Variants in IL1RAPL1 observed in about 807,000 individuals in gnomAD.
IL1RAPL1 encodes interleukin 1 receptor accessory protein like 1.
IL1RAPL1 carries 3 observed loss-of-function variants against 48.4 expected under a neutral mutation model. The observed-to-expected ratio is 0.06, with a 90% confidence interval of 0.03 to 0.16. IL1RAPL1 has a LOEUF of 0.16. Ranked by LOEUF, IL1RAPL1 falls within the 10% of genes least tolerant of loss-of-function variation. IL1RAPL1 has a pLI of 1.00. For missense variants in IL1RAPL1, 349 were observed against 530.6 expected (o/e 0.66, Z 3.36); for synonymous variants, 185 against 187.7 (o/e 0.99, Z 0.12).
intron 2 of IL1RAPL1, among the ~76,000 whole-genome samples, chrX:28,840,200 T>G (rs1174079693): frequency 9.4e-6 from 1 of 106,409 alleles, no homozygotes; most frequent in Non-Finnish European, 1.9e-5. Flanking sequence ...CTTAAAGAAT[T>G]TGCAAAAATA....
At chrX:29,909,829 G>C (rs1172436922) in intron 6 of IL1RAPL1, among the ~76,000 whole-genome samples, 1 of 112,102 alleles carries the variant, frequency 8.9e-6, no homozygotes, top group Non-Finnish European at 1.9e-5. Flanking sequence ...ATGTAAATTA[G>C]TTCAGCCACT....
At chrX:29,466,721 A>C (rs1045954290) in intron 5 of IL1RAPL1, among the ~76,000 whole-genome samples, 1 of 112,198 alleles carries the variant, frequency 8.9e-6, no homozygotes, top group African/African-American at 3.2e-5. Context: ...AGAGTTACAC[A>C]GCAGTTGCTG....
At chrX:29,240,729 A>G (rs1451287598) in intron 2 of IL1RAPL1, among the ~76,000 whole-genome samples, 1 of 111,789 alleles carries the variant, frequency 8.9e-6, no homozygotes, top group Non-Finnish European at 1.9e-5. Context: ...TTTTTGTCCA[A>G]CTGCTTTTTT....
rs147580003 is a variant in IL1RAPL1 at position 28,868,824 on chromosome X, A to G, written c.82+79399A>G. 4.0e-3 allele frequency among the ~76,000 whole-genome samples: 451 copies of G among 112,426 alleles called. 4 individuals carry two copies. The highest frequency in any genetic ancestry group is 0.014 in the African/African-American group (429 of 31,038). On this transcript the variant is annotated intron_variant, in intron 2 of 10. Transcript: ENST00000378993. ...TCACCACAATTGAGACATCACTTAC[A>G]TGAAGTTCCTCTTTGTATGTGTATA... is the stretch of plus-strand genomic sequence containing the variant.
At chrX:29,644,396 A>G (rs1422533505) in intron 5 of IL1RAPL1, among the ~76,000 whole-genome samples, 3 of 111,804 alleles carry the variant, frequency 2.7e-5, no homozygotes, top group Non-Finnish European at 5.6e-5. Flanking sequence ...AAACAGATAC[A>G]TTGTCTTCTG....
At chrX:29,207,698 G>A (rs184361846) in intron 2 of IL1RAPL1, among the ~76,000 whole-genome samples, 322 of 111,478 alleles carry the variant, frequency 2.9e-3, no homozygotes, top group Non-Finnish European at 5.1e-3. Context: ...ATATTTGCCT[G>A]TATTTCACTG....
At chrX:29,217,592 AAAT>A (rs1930894944) in intron 2 of IL1RAPL1, among the ~76,000 whole-genome samples, 1 of 111,840 alleles carries the variant, frequency 8.9e-6, no homozygotes, top group Non-Finnish European at 1.9e-5. Context: ...TATTTATCTT[AAAT>A]AATCTGCCTT....
chrX:29,171,807 A>G (rs1003928754), intron 2 of IL1RAPL1, among the ~76,000 whole-genome samples: 1 of 106,271 alleles, frequency 9.4e-6, no homozygotes, highest in Non-Finnish European at 1.9e-5. Flanking sequence ...GTCAGTACAA[A>G]TAGCAAATGG....
intron 5 of IL1RAPL1, among the ~76,000 whole-genome samples, chrX:29,570,221 T>C (rs1171728849): frequency 8.9e-6 from 1 of 112,546 alleles, no homozygotes; most frequent in Non-Finnish European, 1.9e-5. Flanking sequence ...TGGATTTTTA[T>C]TATCAAAAAT....
rs777963523 is a variant in IL1RAPL1, at chrX:29,228,332, A to AATGTGTGTGTGTGTGTGTGT, written c.83-54606_83-54605insATGTGTGTGTGTGTGTGTGT. On this transcript the variant is annotated intron_variant, in intron 2 of 10. Transcript: ENST00000378993. The stretch of plus-strand genomic sequence containing the variant: ...TAAACACTGTAGTTTAGTTTTGCCT[A>AATGTGTGTGTGTGTGTGTGT]GTGTGTGTGTGTGTGTGTGTGTGTG... 6.5e-4 allele frequency among the ~76,000 whole-genome samples: 52 copies of AATGTGTGTGTGTGTGTGTGT among 79,562 alleles called. 3 individuals carry two copies. The highest frequency in any genetic ancestry group is 8.4e-4 in the Non-Finnish European group (35 of 41,504). 69.1% of individuals were successfully genotyped at this position (79,562 alleles called of 115,157 possible). A position where few individuals can be genotyped will look rare whatever the true frequency, so the allele number is the denominator to read the frequency against.
At chrX:28,976,918 A>G (rs1925220241) in intron 2 of IL1RAPL1, among the ~76,000 whole-genome samples, 2 of 112,435 alleles carry the variant, frequency 1.8e-5, no homozygotes, top group South Asian at 7.4e-4. Flanking sequence ...TTGGAAGAAT[A>G]CAACTCTGCT....
chrX:29,219,029 A>AATG lies in IL1RAPL1; in HGVS notation c.83-63908_83-63906dup, dbSNP rs1930927076. On this transcript the variant is annotated intron_variant, in intron 2 of 10. Coordinates refer to ENST00000378993, the MANE Select transcript of IL1RAPL1 (RefSeq NM_014271.4). Reference sequence around the variant, plus strand: ...AAGTGACAATCAGTTGATGATATGAAATGCGGTCTTTTGAGCCAAACTTTG... The same window carrying AATG: ...AAGTGACAATCAGTTGATGATATGAAATGATGCGGTCTTTTGAGCCAAACTTTG... Among the ~76,000 whole-genome samples, 4 of 112,290 alleles carry AATG rather than the reference A, an allele frequency of 3.6e-5. No individual in the cohort carries two copies. In the Admixed American group the frequency reaches 3.8e-4, roughly 11 times the overall value.
At chrX:28,645,689 A>G (rs184698947) in intron 1 of IL1RAPL1, among the ~76,000 whole-genome samples, 15 of 112,123 alleles carry the variant, frequency 1.3e-4, no homozygotes, top group African/African-American at 4.9e-4. Context: ...AATTTCAGAA[A>G]TTTAGAAATG....
At chrX:28,616,579 G>A (rs1000527976) in intron 1 of IL1RAPL1, among the ~76,000 whole-genome samples, 3 of 110,548 alleles carry the variant, frequency 2.7e-5, no homozygotes, top group Admixed American at 9.6e-5. Context: ...GACTACAGGC[G>A]TACGCCACCA....
chrX:29,633,468 T>TATATACAC (rs762146549), intron 5 of IL1RAPL1, among the ~76,000 whole-genome samples: 35 of 97,755 alleles, frequency 3.6e-4, no homozygotes, highest in African/African-American at 7.9e-4. Flanking sequence ...GATATATATA[T>TATATACAC]ACACACACAC....
chrX:29,942,482 T>C (rs1933146442), intron 9 of IL1RAPL1, among the ~76,000 whole-genome samples: 1 of 111,594 alleles, frequency 9.0e-6, no homozygotes, highest in Non-Finnish European at 1.9e-5. Context: ...GTCCTTAAAA[T>C]TCAGCTCCCT....
intron 6 of IL1RAPL1, among the ~76,000 whole-genome samples, chrX:29,906,460 A>AATATATATAT (rs1164023016): frequency 6.7e-5 from 2 of 29,869 alleles, no homozygotes; most frequent in African/African-American, 1.1e-4. Context: ...TAACTTTGTA[A>AATATATATAT]ATATATATAT....
intron 6 of IL1RAPL1, among the ~76,000 whole-genome samples, chrX:29,909,797 C>T (rs867608963): frequency 4.5e-5 from 5 of 111,803 alleles, no homozygotes; most frequent in Non-Finnish European, 9.4e-5. Flanking sequence ...GAAAAGGGAA[C>T]GCTTATATAC....
intron 5 of IL1RAPL1, among the ~76,000 whole-genome samples, chrX:29,465,584 G>T (rs988278868): frequency 9.0e-6 from 1 of 111,618 alleles, no homozygotes; most frequent in East Asian, 2.8e-4. Flanking sequence ...ACCAACTGAT[G>T]TCTGGTTCCC....
Sources: allele counts gnomAD v4.1 joint callset (sites outside exome capture counted in the v4.1 genomes callset), GRCh38; gene constraint gnomAD v4.1.1; transcripts MANE v1.5; gene names NCBI Gene and HGNC (gene_info 2026-07-23, HGNC 2026-07-21).